Variants in SMURF2 observed in about 807,000 individuals in gnomAD.
The protein encoded by SMURF2 is E3 ubiquitin-protein ligase SMURF2.
A neutral mutation model predicts 109.6 loss-of-function variants in SMURF2; 48 were observed. The ratio of observed to expected loss-of-function variants is 0.44; its 90% confidence interval spans 0.35 to 0.56. The LOEUF is 0.56. SMURF2 is among the 20% of genes least tolerant of loss of function. The probability of loss-of-function intolerance (pLI) is 0.01; values close to 1 mark genes in which losing one functional copy is unlikely to be tolerated. For missense variants in SMURF2, 575 were observed against 909.0 expected (o/e 0.63, Z 4.72); for synonymous variants, 288 against 317.1 (o/e 0.91, Z 0.97).
rs1555683897 is a variant in SMURF2 at position 64,554,835 on chromosome 17, TGAGAACACAG to T, written c.1748+11_1748+20del. ...TAGAACATTTTAAAAAATTCAGCCT[TGAGAACACAG>T]GAGTGTTTACCTGACATATTCTTTT... On this transcript the variant is annotated intron_variant, in intron 15 of 18. Coordinates refer to ENST00000262435, the MANE Select transcript of SMURF2 (RefSeq NM_022739.4). The T allele has an allele frequency of 6.2e-7, 1 of 1,609,472 alleles. No individual in the cohort carries two copies. Among genetic ancestry groups the T allele is most frequent in the Non-Finnish European group, 8.5e-7 (1 of 1,177,628 alleles).
rs1054078580 is a variant in SMURF2, at chr17:64,579,720, T to A, written c.772+1069A>T. Among the ~76,000 whole-genome samples the A allele has an allele frequency of 3.3e-3, 497 of 152,304 alleles. 4 individuals are homozygous for A. The highest frequency in any genetic ancestry group is 5.0e-3 in the Non-Finnish European group (343 of 68,018). On this transcript the variant is annotated intron_variant, in intron 8 of 18. Transcript: ENST00000262435. ...TTCACATGAAATTAGATATCACTGA[T>A]TTCTTGCAACAAACCTAGATGGTTG...
intron 2 of SMURF2, among the ~76,000 whole-genome samples, chr17:64,603,175 A>G (rs1250284626): frequency 6.6e-6 from 1 of 152,048 alleles, no homozygotes; most frequent in African/African-American, 2.4e-5. Flanking sequence ...AATGACTTCA[A>G]TTTGGCCCCC....
chr17:64,583,443 A>G lies in SMURF2; in HGVS notation c.569+18T>C. 1.3e-6 allele frequency: 2 copies of G among 1,598,538 alleles called. No homozygotes were observed. The highest frequency in any genetic ancestry group is 8.6e-7 in the Non-Finnish European group (1 of 1,165,780). The stretch of plus-strand genomic sequence containing the variant: ...GGTGGCTGGCATAGATCATGAGAAA[A>G]TATTTGTATGTTCTTACCGTGTTGG... On this transcript the variant is annotated intron_variant, in intron 7 of 18. Transcript: ENST00000262435.
chr17:64,611,496 A>G (rs1289567749), intron 1 of SMURF2, among the ~76,000 whole-genome samples: 2 of 152,142 alleles, frequency 1.3e-5, no homozygotes, highest in Admixed American at 1.3e-4. Context: ...TTCAATAAAT[A>G]GCCTTCCTTT....
intron 12 of SMURF2, among the ~76,000 whole-genome samples, chr17:64,558,148 C>T (rs1256187157): frequency 1.3e-5 from 2 of 152,108 alleles, no homozygotes; most frequent in African/African-American, 4.8e-5. Flanking sequence ...ACCTGTAATC[C>T]CAGCACTTTG....
chr17:64,643,181 C>T (rs1241435993), intron 1 of SMURF2, among the ~76,000 whole-genome samples: 14 of 152,012 alleles, frequency 9.2e-5, no homozygotes, highest in African/African-American at 3.4e-4. Flanking sequence ...CGTCACCATA[C>T]CCAGCTAATT....
At chr17:64,577,087 T>C (rs1448318970) in intron 9 of SMURF2, among the ~76,000 whole-genome samples, 1 of 152,002 alleles carries the variant, frequency 6.6e-6, no homozygotes, top group Non-Finnish European at 1.5e-5. Context: ...TTATAAATCA[T>C]GCTGCTATAA....
At chr17:64,635,081 C>T (rs1555691966) in intron 1 of SMURF2, among the ~76,000 whole-genome samples, 1 of 152,126 alleles carries the variant, frequency 6.6e-6, no homozygotes, top group Non-Finnish European at 1.5e-5. Context: ...AATCTCAGCA[C>T]TTTGGGAGGC....
At chr17:64,573,820 G>C (rs1384524599) in intron 9 of SMURF2, among the ~76,000 whole-genome samples, 6 of 152,118 alleles carry the variant, frequency 3.9e-5, no homozygotes, top group African/African-American at 1.4e-4. Context: ...ATTTTTAATG[G>C]TTTAGAAATG....
chr17:64,613,711 T>TGTGA (rs1970079166), intron 1 of SMURF2, among the ~76,000 whole-genome samples: 35 of 132,704 alleles, frequency 2.6e-4, no homozygotes, highest in South Asian at 1.0e-3. Context: ...TGTGTGTGTG[T>TGTGA]GTGTGTGTGT....
At chr17:64,610,675 C>T (rs1176332005) in intron 1 of SMURF2, among the ~76,000 whole-genome samples, 1 of 152,118 alleles carries the variant, frequency 6.6e-6, no homozygotes, top group Admixed American at 6.6e-5. Context: ...TTGATGGGTG[C>T]AACAAACCAC....
At chr17:64,566,560 G>GGTTTGTTTTT (rs1443133137) in intron 10 of SMURF2, among the ~76,000 whole-genome samples, 1 of 36,430 alleles carries the variant, frequency 2.7e-5, no homozygotes, top group African/African-American at 9.3e-5. Context: ...TAAGCTTTCT[G>GGTTTGTTTTT]GTTTTTTTTT....
rs554472947 is a variant in SMURF2 at position 64,610,378 on chromosome 17, C to T, written c.53-3738G>A. 3.3e-5 allele frequency among the ~76,000 whole-genome samples: 5 copies of T among 152,246 alleles called. No homozygotes were observed. The East Asian group carries it at 7.7e-4, about 24-fold the overall frequency. On this transcript the variant is annotated intron_variant, in intron 1 of 18. Coordinates refer to ENST00000262435, the MANE Select transcript of SMURF2 (RefSeq NM_022739.4). ...AACCCAAATGCCCATCAATGATAGACTGGATAAAGAAAATGTGGCACATAT... is the reference window on the plus strand; with the variant it reads ...AACCCAAATGCCCATCAATGATAGATTGGATAAAGAAAATGTGGCACATAT...
intron 1 of SMURF2, among the ~76,000 whole-genome samples, chr17:64,658,352 AAAAT>A (rs1298210759): frequency 2.0e-5 from 3 of 152,210 alleles, no homozygotes; most frequent in Non-Finnish European, 4.4e-5. Flanking sequence ...TCCAACTCAA[AAAAT>A]AAATAAATAA....
At chr17:64,618,179 T>C (rs995860572) in intron 1 of SMURF2, among the ~76,000 whole-genome samples, 16 of 152,196 alleles carry the variant, frequency 1.1e-4, no homozygotes, top group Admixed American at 3.9e-4. Context: ...ACGCCTATAA[T>C]CCTAGCACTT....
intron 1 of SMURF2, among the ~76,000 whole-genome samples, chr17:64,648,086 A>C (rs868937851): frequency 3.9e-4 from 54 of 139,020 alleles, no homozygotes; most frequent in African/African-American, 1.3e-3. Context: ...AAAAAAAAAA[A>C]AAAAAACAGG....
At chr17:64,640,098 T>C (rs955292706) in intron 1 of SMURF2, among the ~76,000 whole-genome samples, 2 of 152,234 alleles carry the variant, frequency 1.3e-5, no homozygotes, top group Admixed American at 1.3e-4. Context: ...ATTTTTCTTA[T>C]CTTTAGACTT....
At chr17:64,640,476 T>G (rs782215284) in intron 1 of SMURF2, among the ~76,000 whole-genome samples, 6 of 152,180 alleles carry the variant, frequency 3.9e-5, no homozygotes, top group Non-Finnish European at 7.3e-5. Context: ...GCAGATTATA[T>G]AAGGTCTTGG....
intron 1 of SMURF2, among the ~76,000 whole-genome samples, chr17:64,609,962 T>G (rs1344170916): frequency 5.3e-5 from 8 of 149,812 alleles, no homozygotes; most frequent in African/African-American, 1.5e-4. Context: ...GAACAGACAC[T>G]TCTCAAAAGA....
Sources: allele counts gnomAD v4.1 joint callset (sites outside exome capture counted in the v4.1 genomes callset), GRCh38; gene constraint gnomAD v4.1.1; transcripts MANE v1.5; gene names NCBI Gene and HGNC (gene_info 2026-07-23, HGNC 2026-07-21).